The following FBXO25 variants were observed in gnomAD, a reference collection of about 807,000 sequenced individuals.
FBXO25 encodes the protein F-box only protein 25.
In FBXO25, 45 loss-of-function variants were observed where a neutral mutation model predicts 51.9. The observed-to-expected ratio is 0.87, with a 90% CI of 0.68 to 1.11. FBXO25 has a LOEUF of 1.11. FBXO25 is among the 50% of genes most tolerant of loss of function. The pLI, the probability that FBXO25 is intolerant of heterozygous loss-of-function variation, is 0.00. For synonymous variants in FBXO25, 199 were observed against 151.0 expected, an observed-to-expected ratio of 1.32 and a Z score of -2.33; for missense variants, 507 against 428.5, an observed-to-expected ratio of 1.18 and a Z score of -1.62.
intron 5 of FBXO25, among the ~76,000 whole-genome samples, chr8:436,570 G>A (rs916771644): frequency 3.9e-5 from 6 of 152,160 alleles, no homozygotes; most frequent in Non-Finnish European, 8.8e-5. Context: ...CTTCACTGAA[G>A]CCCAGCCACC....
At chr8:453,871 C>G (rs1028093740) in intron 7 of FBXO25, among the ~76,000 whole-genome samples, 2 of 152,022 alleles carry the variant, frequency 1.3e-5, no homozygotes, top group African/African-American at 4.8e-5. Flanking sequence ...ACCTGTAATC[C>G]CAGCCACTTT....
chr8:448,253 A>C (rs1412068656), intron 5 of FBXO25, among the ~76,000 whole-genome samples: 1 of 152,166 alleles, frequency 6.6e-6, no homozygotes, highest in Admixed American at 6.5e-5. Context: ...ACATTGTGAG[A>C]GGGCAAATTT....
At chr8:413,302 CT>C in intron 2 of FBXO25, 89 bp downstream of exon 2, 1 of 1,365,982 alleles carries the variant, frequency 7.3e-7, no homozygotes, top group East Asian at 2.7e-5. Context: ...AGCTCCATAA[CT>C]TTTGAGACTT....
rs1161982667 is a variant in FBXO25, at chr8:473,071, C to T, written c.*4267C>T. The T allele has an allele frequency of 2.0e-5, 3 of 152,494 alleles. No homozygotes were observed. The highest frequency in any genetic ancestry group is 1.3e-4 in the Admixed American group (2 of 15,296). The allele number at this position is 152,494 out of a possible 1,614,324, so 9.4% of individuals were successfully genotyped here. On this transcript the variant is annotated 3_prime_UTR_variant, in exon 10 of 10. Transcript: ENST00000350302. ...CATTGGGGCCCTCTATGGCTGACAC[C>T]AGCATCCACCCTGCACTCATATGTA...
In FBXO25 at chr8:427,381, A is replaced by G. The variant is rs182091139; in HGVS notation, c.135-3960A>G. On this transcript the variant is annotated intron_variant, in intron 2 of 9. Transcript: ENST00000350302. ...GAAATTATCACAGTCTGCATGTTAT[A>G]TGACCTTGGCACTTAGAGTCATGGC... Among the ~76,000 whole-genome samples, 1,497 of 150,488 alleles carry G rather than the reference A, an allele frequency of 9.9e-3. 7 individuals are homozygous for G. Among genetic ancestry groups the G allele is most frequent in the African/African-American group, 0.035 (1,408 of 40,354 alleles).
intron 2 of FBXO25, among the ~76,000 whole-genome samples, chr8:421,712 G>C (rs565379310): frequency 6.6e-6 from 1 of 152,298 alleles, no homozygotes; most frequent in African/African-American, 2.4e-5. Flanking sequence ...ACCTGCATCA[G>C]TGACTAGAGC....
intron 2 of FBXO25, among the ~76,000 whole-genome samples, chr8:418,716 GATAAGA>G (rs1010591263): frequency 2.0e-5 from 3 of 152,090 alleles, no homozygotes; most frequent in African/African-American, 7.2e-5. Context: ...AAACTAAGAA[GATAAGA>G]ATAGTTAATT....
chr8:409,230 G>A (rs936083376), intron 1 of FBXO25, among the ~76,000 whole-genome samples: 15 of 152,166 alleles, frequency 9.9e-5, no homozygotes, highest in Admixed American at 4.6e-4. Flanking sequence ...TTTAGTTCAT[G>A]AGCTGTATAG....
chr8:474,254 A>G lies in FBXO25; in HGVS notation c.*5450A>G, dbSNP rs1359419545. The G allele has an allele frequency of 5.6e-6, 1 of 179,884 alleles. No homozygotes were observed. Among genetic ancestry groups the G allele is most frequent in the African/African-American group, 2.4e-5 (1 of 41,742 alleles). 11.1% of individuals were successfully genotyped at this position (179,884 alleles called of 1,614,324 possible). A position where few individuals can be genotyped will look rare whatever the true frequency, so the allele number is the denominator to read the frequency against. On this transcript the variant is annotated 3_prime_UTR_variant, in exon 10 of 10. Coordinates refer to ENST00000350302, the MANE Select transcript of FBXO25 (RefSeq NM_183420.2). ...TATTTCACTTAGCGTAATGTCCTCAAGGTTTATTCAAGTTGTAGGATATGT... is the reference window on the plus strand; with the variant it reads ...TATTTCACTTAGCGTAATGTCCTCAGGGTTTATTCAAGTTGTAGGATATGT...
chr8:477,532 G>C lies in FBXO25; in HGVS notation c.*8728G>C, dbSNP rs1186280132. On this transcript the variant is annotated 3_prime_UTR_variant, in exon 10 of 10. Transcript: ENST00000350302. ...TTATAGGATGTCTGGGATTTCCTTT[G>C]AATCCGTGGGGCTGGGAGTAACTAT... 6.6e-6 allele frequency: 1 copy of C among 152,228 alleles called. No individual in the cohort carries two copies. Among genetic ancestry groups the C allele is most frequent in the East Asian group, 1.9e-4 (1 of 5,194 alleles). 9.4% of individuals were successfully genotyped at this position (152,228 alleles called of 1,614,324 possible).
At chr8:458,294 G>A (rs13250615) in intron 7 of FBXO25, 75 bp from the exon 8 acceptor site, 930 of 1,503,298 alleles carry the variant, frequency 6.2e-4, no homozygotes, top group Non-Finnish European at 7.5e-4. Flanking sequence ...ATTCATTCCA[G>A]CTTGACTCTT....
intron 5 of FBXO25, among the ~76,000 whole-genome samples, chr8:448,208 G>A (rs1307682869): frequency 1.3e-5 from 2 of 152,122 alleles, no homozygotes; most frequent in African/African-American, 4.8e-5. Flanking sequence ...TAATGTTCAG[G>A]AAAATTCTGC....
At chr8:462,493 A>G (rs969903791) in intron 8 of FBXO25, among the ~76,000 whole-genome samples, 4 of 152,212 alleles carry the variant, frequency 2.6e-5, no homozygotes, top group East Asian at 1.9e-4. Flanking sequence ...GTATTCCATT[A>G]TACAGGCATA....
intron 1 of FBXO25, among the ~76,000 whole-genome samples, chr8:411,607 C>A (rs1796486977): frequency 6.6e-6 from 1 of 152,068 alleles, no homozygotes; most frequent in African/African-American, 2.4e-5. Flanking sequence ...CTGTTGTTTT[C>A]CTGGCATTGT....
chr8:450,880 A>T (rs954663179), intron 6 of FBXO25: 2 of 181,958 alleles, frequency 1.1e-5, no homozygotes, highest in African/African-American at 4.8e-5. Flanking sequence ...CATTGTCCCA[A>T]ACTGAAACTC....
intron 2 of FBXO25, among the ~76,000 whole-genome samples, chr8:415,055 A>G (rs1285073132): frequency 6.6e-6 from 1 of 152,244 alleles, no homozygotes; most frequent in Non-Finnish European, 1.5e-5. Flanking sequence ...TTTTAAAAAG[A>G]TAAGACCATA....
rs1312292001 is a variant in FBXO25 at position 418,645 on chromosome 8, C to T, written c.134+5432C>T. Among the ~76,000 whole-genome samples, 4 of 152,068 alleles carry T rather than the reference C, an allele frequency of 2.6e-5. No individual in the cohort carries two copies. In the East Asian group the frequency reaches 7.7e-4, roughly 29 times the overall value. On this transcript the variant is annotated intron_variant, in intron 2 of 9. Transcript: ENST00000350302. ...GTGAGCCACCGTTCCCGGCTTGTTTCTTTATTAAGTAAGAGAGCTCTTTCA... is the reference window on the plus strand; with the variant it reads ...GTGAGCCACCGTTCCCGGCTTGTTTTTTTATTAAGTAAGAGAGCTCTTTCA...
intron 5 of FBXO25, among the ~76,000 whole-genome samples, chr8:447,364 C>G (rs944447861): frequency 1.2e-4 from 18 of 152,068 alleles, no homozygotes; most frequent in Non-Finnish European, 5.9e-5. Flanking sequence ...GAAGTCCCAC[C>G]TCACTCTGAA....
At chr8:409,882 A>G (rs1429227006) in intron 1 of FBXO25, among the ~76,000 whole-genome samples, 2 of 152,164 alleles carry the variant, frequency 1.3e-5, no homozygotes, top group Non-Finnish European at 2.9e-5. Context: ...AACACCTTTG[A>G]TATTCTTCTA....
Sources: allele counts gnomAD v4.1 joint callset (sites outside exome capture counted in the v4.1 genomes callset), GRCh38; gene constraint gnomAD v4.1.1; transcripts MANE v1.5; gene names NCBI Gene and HGNC (gene_info 2026-07-23, HGNC 2026-07-21).